Variants in MEIS2 observed in about 807,000 individuals in gnomAD.
MEIS2 encodes homeobox protein Meis2.
In MEIS2, 9 loss-of-function variants were observed where a neutral mutation model predicts 58.6. The observed-to-expected ratio is 0.15, with a 90% CI of 0.09 to 0.27. MEIS2 has a LOEUF of 0.27. Ranked by LOEUF, MEIS2 falls within the 10% of genes least tolerant of loss-of-function variation. The pLI is 1.00. For synonymous variants in MEIS2, 221 were observed against 228.4 expected, an observed-to-expected ratio of 0.97 and a Z score of 0.29; for missense variants, 427 against 635.0, an observed-to-expected ratio of 0.67 and a Z score of 3.52.
intron 9 of MEIS2, among the ~76,000 whole-genome samples, chr15:36,922,337 C>T (rs973260585): frequency 9.9e-5 from 15 of 151,978 alleles, no homozygotes; most frequent in African/African-American, 3.4e-4. Flanking sequence ...AAAAGTGCCC[C>T]GAAAACTGTA....
intron 7 of MEIS2, among the ~76,000 whole-genome samples, chr15:37,079,279 T>TA (rs1443554756): frequency 5.9e-5 from 9 of 152,168 alleles, no homozygotes; most frequent in African/African-American, 2.2e-4. Flanking sequence ...GTATTTATCA[T>TA]AACAGTAAGT....
chr15:36,944,629 T>C (rs2058494708), intron 9 of MEIS2, among the ~76,000 whole-genome samples: 1 of 152,108 alleles, frequency 6.6e-6, no homozygotes, highest in Non-Finnish European at 1.5e-5. Context: ...TTCATCAGCA[T>C]CGGCAGTTTC....
At chr15:36,948,881 G>C (rs1269875805) in intron 9 of MEIS2, among the ~76,000 whole-genome samples, 1 of 151,888 alleles carries the variant, frequency 6.6e-6, no homozygotes, top group East Asian at 1.9e-4. Context: ...GGTCTAAAGG[G>C]TGTCTTTAAA....
At chr15:37,034,260 A>C (rs2141725259) in intron 8 of MEIS2, among the ~76,000 whole-genome samples, 1 of 152,270 alleles carries the variant, frequency 6.6e-6, no homozygotes, top group South Asian at 2.1e-4. Context: ...TCTCATTTGA[A>C]AAATGGGGAA....
At chr15:36,892,733 G>A (rs866768241) in intron 11 of MEIS2, among the ~76,000 whole-genome samples, 11 of 152,238 alleles carry the variant, frequency 7.2e-5, no homozygotes, top group Non-Finnish European at 1.2e-4. Flanking sequence ...ATGGTATTCA[G>A]TACATTTCTT....
At position 37,068,557 on chromosome 15, in the gene MEIS2, C is replaced by T. The variant is rs55682102; in HGVS notation, c.754+15214G>A. On this transcript the variant is annotated intron_variant, in intron 7 of 11. Coordinates refer to ENST00000561208, the MANE Select transcript of MEIS2 (RefSeq NM_170675.5). Reference sequence around the variant, plus strand: ...CACAAACTAAGCACTGAGCACTCCGCACTCATTATGAGGGTGCTACACAGA... The same window carrying T: ...CACAAACTAAGCACTGAGCACTCCGTACTCATTATGAGGGTGCTACACAGA... 4.3e-3 allele frequency among the ~76,000 whole-genome samples: 659 copies of T among 152,304 alleles called. 2 individuals carry two copies. The highest frequency in any genetic ancestry group is 0.013 in the African/African-American group (548 of 41,570).
intron 8 of MEIS2, among the ~76,000 whole-genome samples, chr15:36,974,560 G>A (rs970529187): frequency 6.6e-6 from 1 of 152,158 alleles, no homozygotes; most frequent in Admixed American, 6.5e-5. Flanking sequence ...ATTTAATCAC[G>A]TTGAAATAAG....
intron 7 of MEIS2, among the ~76,000 whole-genome samples, chr15:37,050,401 T>C (rs8041675): frequency 0.48 from 73,558 of 152,046 alleles, 18,159 homozygotes; most frequent in South Asian, 0.56. Flanking sequence ...TGTGGGTTTA[T>C]ATCTAAAACT....
intron 9 of MEIS2, chr15:36,898,429 G>T (rs1019676083): frequency 6.6e-6 from 1 of 152,244 alleles, no homozygotes; most frequent in African/African-American, 2.4e-5. Context: ...TTCTAATAGA[G>T]GACAACACTC....
intron 8 of MEIS2, among the ~76,000 whole-genome samples, chr15:36,992,716 C>T (rs1595884473): frequency 6.6e-6 from 1 of 151,354 alleles, no homozygotes; most frequent in Non-Finnish European, 1.5e-5. Context: ...AGTAGTTTCT[C>T]AGAGCAAATA....
intron 9 of MEIS2, among the ~76,000 whole-genome samples, chr15:36,920,252 C>A (rs1297526087): frequency 2.0e-5 from 3 of 152,126 alleles, no homozygotes; most frequent in Admixed American, 2.0e-4. Context: ...CGGGTTCAAG[C>A]GATTCTCCTG....
chr15:36,905,810 C>CAT (rs770290996), intron 9 of MEIS2, among the ~76,000 whole-genome samples: 2 of 151,938 alleles, frequency 1.3e-5, no homozygotes, highest in Non-Finnish European at 2.9e-5. Flanking sequence ...TTTCTTTCTC[C>CAT]ATATATATGA....
chr15:37,077,616 G>A (rs1891585526), intron 7 of MEIS2, among the ~76,000 whole-genome samples: 1 of 152,026 alleles, frequency 6.6e-6, no homozygotes, highest in Non-Finnish European at 1.5e-5. Flanking sequence ...AACAGACAGT[G>A]CTACAGAAAG....
At chr15:37,024,615 T>C (rs896180003) in intron 8 of MEIS2, among the ~76,000 whole-genome samples, 6 of 152,206 alleles carry the variant, frequency 3.9e-5, no homozygotes, top group Non-Finnish European at 8.8e-5. Context: ...AATCTCTGTA[T>C]GTAGAATCAA....
At chr15:36,929,352 C>T (rs1187114444) in intron 9 of MEIS2, among the ~76,000 whole-genome samples, 2 of 152,218 alleles carry the variant, frequency 1.3e-5, no homozygotes, top group African/African-American at 2.4e-5. Flanking sequence ...GCAGTCTGCT[C>T]TGACCTGTGG....
intron 8 of MEIS2, among the ~76,000 whole-genome samples, chr15:36,956,021 C>CAAAAAAAA (rs757524401): frequency 8.6e-5 from 4 of 46,618 alleles, no homozygotes; most frequent in African/African-American, 3.5e-4. Flanking sequence ...ACTAAAAATA[C>CAAAAAAAA]AAAAAAAAAA....
chr15:36,982,990 T>G lies in MEIS2; in HGVS notation c.901-32590A>C, dbSNP rs145824715. Among the ~76,000 whole-genome samples, 256 of 152,242 alleles carry G rather than the reference T, an allele frequency of 1.7e-3. 1 individual carries two copies. Among genetic ancestry groups the G allele is most frequent in the African/African-American group, 6.1e-3 (254 of 41,586 alleles). Reference sequence around the variant, plus strand: ...TTCCAGTTTTTGCCCATTTTTCTATTGGGTTATGTGTTTTCTTGCTATTGA... The same window carrying G: ...TTCCAGTTTTTGCCCATTTTTCTATGGGGTTATGTGTTTTCTTGCTATTGA... On this transcript the variant is annotated intron_variant, in intron 8 of 11. Coordinates refer to ENST00000561208, the MANE Select transcript of MEIS2 (RefSeq NM_170675.5).
chr15:37,031,421 A>ATGTGTGTGTATG (rs1555455663), intron 8 of MEIS2, among the ~76,000 whole-genome samples: 2 of 146,844 alleles, frequency 1.4e-5, no homozygotes, highest in Non-Finnish European at 3.0e-5. Context: ...TCCCTTGCAT[A>ATGTGTGTGTATG]TGTGTGTGTG....
At chr15:37,028,309 C>T (rs2061780304) in intron 8 of MEIS2, among the ~76,000 whole-genome samples, 1 of 152,162 alleles carries the variant, frequency 6.6e-6, no homozygotes. Context: ...GCAACTTTAC[C>T]ACAATGTCAC....
Sources: gnomAD v4.1 joint callset for allele counts (sites outside exome capture counted in the v4.1 genomes callset) on GRCh38, gnomAD v4.1.1 for gene constraint, MANE v1.5 for transcripts, NCBI Gene and HGNC (gene_info 2026-07-23, HGNC 2026-07-21) for gene names.